The following ELL2 variants were observed in gnomAD, a reference collection of about 807,000 sequenced individuals.
ELL2 encodes elongation factor for RNA polymerase II 2, also known as RNA polymerase II elongation factor ELL2.
Under a neutral mutation model 72.8 loss-of-function variants are expected in ELL2, and 21 were observed. The observed-to-expected ratio is 0.29, with a 90% CI of 0.20 to 0.42. The LOEUF (loss-of-function observed/expected upper bound fraction) is 0.42. ELL2 is among the 10% of genes least tolerant of loss of function. The pLI, the probability that ELL2 is intolerant of heterozygous loss-of-function variation, is 1.00. For missense variants in ELL2, 568 were observed against 772.8 expected, an observed-to-expected ratio of 0.73 and a Z score of 3.14; for synonymous variants, 266 against 283.2, an observed-to-expected ratio of 0.94 and a Z score of 0.61.
intron 3 of ELL2, 88 bp downstream of exon 3, chr5:95,919,336 T>C (rs2112310312): frequency 7.0e-7 from 1 of 1,435,160 alleles, no homozygotes; most frequent in East Asian, 2.6e-5. Flanking sequence ...CGTTTATGGA[T>C]GAATATTATG....
In ELL2 at chr5:95,961,767, C is replaced by T; in HGVS notation, c.-46G>A. On this transcript the variant is annotated 5_prime_UTR_variant, in exon 1 of 12. Coordinates refer to ENST00000237853, the MANE Select transcript of ELL2 (RefSeq NM_012081.6). ...GCCGCCGCCGCCGCTCCGGCTCTAG[C>T]CTCCACTGCGGCCGCGGCTGCTTGG... The T allele has an allele frequency of 6.5e-7, 1 of 1,542,944 alleles. No individual in the cohort carries two copies. The highest frequency in any genetic ancestry group is 8.7e-7 in the Non-Finnish European group (1 of 1,149,650).
intron 5 of ELL2, among the ~76,000 whole-genome samples, chr5:95,902,089 T>C (rs1198515331): frequency 6.6e-6 from 1 of 152,228 alleles, no homozygotes; most frequent in African/African-American, 2.4e-5. Flanking sequence ...GGCAATTGAG[T>C]CCATTACTTT....
intron 3 of ELL2, among the ~76,000 whole-genome samples, chr5:95,915,462 C>A (rs1351622454): frequency 6.6e-6 from 1 of 152,218 alleles, no homozygotes; most frequent in Non-Finnish European, 1.5e-5. Context: ...AAAACACACA[C>A]ACAAAAACCA....
intron 4 of ELL2, among the ~76,000 whole-genome samples, chr5:95,910,302 A>G (rs1035342238): frequency 4.6e-5 from 7 of 152,324 alleles, no homozygotes; most frequent in South Asian, 4.1e-4. Context: ...AATTGGAAAC[A>G]GAATCCTAGA....
At chr5:95,942,784 A>C (rs1751016222) in intron 2 of ELL2, 2 of 301,980 alleles carry the variant, frequency 6.6e-6, no homozygotes, top group Non-Finnish European at 6.4e-6. Flanking sequence ...ATAAAAAAAC[A>C]CTGTCAATAT....
intron 3 of ELL2, among the ~76,000 whole-genome samples, chr5:95,914,148 C>G (rs1202567905): frequency 1.3e-5 from 2 of 151,820 alleles, no homozygotes; most frequent in South Asian, 2.1e-4. Context: ...GAAGTGAGCT[C>G]TCAGAGACCA....
At chr5:95,950,902 GTGTATATATA>G (rs1216514872) in intron 1 of ELL2, among the ~76,000 whole-genome samples, 5,942 of 74,874 alleles carry the variant, frequency 0.079, 427 homozygotes, top group East Asian at 0.22. Flanking sequence ...ATGTATGTAT[GTGTATATATA>G]TATATATATA....
chr5:95,939,371 C>A (rs1750890944), intron 2 of ELL2, among the ~76,000 whole-genome samples: 1 of 152,164 alleles, frequency 6.6e-6, no homozygotes. Context: ...CCCATCCCTG[C>A]ATCTTTTCAC....
chr5:95,900,306 A>T (rs2348984), intron 7 of ELL2: 1 of 155,374 alleles, frequency 6.4e-6, no homozygotes, highest in South Asian at 2.1e-4. Flanking sequence ...CATTTTCCCC[A>T]AAAAATATTC....
intron 2 of ELL2, among the ~76,000 whole-genome samples, chr5:95,929,340 C>T (rs932719028): frequency 6.6e-6 from 1 of 150,926 alleles, no homozygotes; most frequent in African/African-American, 2.5e-5. Context: ...CTCACTGCAA[C>T]CTCTGCCGCC....
chr5:95,943,073 A>G, intron 1 of ELL2, 24 bp from the exon 2 acceptor site: 1 of 1,589,478 alleles, frequency 6.3e-7, no homozygotes, highest in Non-Finnish European at 8.6e-7. Flanking sequence ...CAAAAGAAAC[A>G]AACAGGTAAA....
intron 2 of ELL2, among the ~76,000 whole-genome samples, chr5:95,937,113 T>A (rs965851215): frequency 1.3e-5 from 2 of 152,318 alleles, no homozygotes; most frequent in African/African-American, 4.8e-5. Flanking sequence ...CTCCAGCTGC[T>A]GCATTCCAAA....
In ELL2 at chr5:95,924,440, GA is replaced by G. The variant is rs143680146; in HGVS notation, c.196-4896del. 6.9e-3 allele frequency among the ~76,000 whole-genome samples: 1,055 copies of G among 152,222 alleles called. 11 individuals are homozygous for G. Among genetic ancestry groups the G allele is most frequent in the South Asian group, 0.057 (276 of 4,822 alleles). On this transcript the variant is annotated intron_variant, in intron 2 of 11. Transcript: ENST00000237853. ...TGGAAGACCATTCCTTTGTGAGATA[GA>G]AACTTCTCCATTTTAATTTTAGTAT... is the stretch of plus-strand genomic sequence containing the variant.
At chr5:95,928,484 A>C (rs1580516494) in intron 2 of ELL2, among the ~76,000 whole-genome samples, 1 of 152,148 alleles carries the variant, frequency 6.6e-6, no homozygotes, top group Admixed American at 6.5e-5. Context: ...CCACCCTCCC[A>C]CATTGCCCAG....
intron 2 of ELL2, among the ~76,000 whole-genome samples, chr5:95,941,588 C>A (rs1750971316): frequency 6.6e-6 from 1 of 152,158 alleles, no homozygotes; most frequent in Non-Finnish European, 1.5e-5. Context: ...ATATCCTTTA[C>A]TTGCATTTCC....
rs1748546945 is a variant in ELL2, at chr5:95,888,690, A to C, written c.*181T>G. 1 of 445,800 alleles carries C rather than the reference A, an allele frequency of 2.2e-6. No individual in the cohort carries two copies. The highest frequency in any genetic ancestry group is 5.2e-5 in the South Asian group (1 of 19,060). The allele number at this position is 445,800 out of a possible 1,614,324, so 27.6% of individuals were successfully genotyped here. On this transcript the variant is annotated 3_prime_UTR_variant, in exon 12 of 12. Transcript: ENST00000237853. ...GGGGTGGGGTGGTGGGGAGGACCAG[A>C]AAGAGCAGCTTCGAAATGCAGGGAA...
intron 4 of ELL2, among the ~76,000 whole-genome samples, chr5:95,913,171 G>A (rs777619275): frequency 6.6e-6 from 1 of 152,174 alleles, no homozygotes; most frequent in Non-Finnish European, 1.5e-5. Context: ...AATGATGGGG[G>A]TCGGATAGGG....
At chr5:95,953,648 A>G (rs1416283045) in intron 1 of ELL2, among the ~76,000 whole-genome samples, 1 of 151,844 alleles carries the variant, frequency 6.6e-6, no homozygotes, top group Non-Finnish European at 1.5e-5. Flanking sequence ...TACAATGTGT[A>G]TGTATAGCAA....
At chr5:95,891,348 A>C in intron 9 of ELL2, 74 bp from the exon 10 acceptor site, 1 of 1,444,212 alleles carries the variant, frequency 6.9e-7, no homozygotes, top group Non-Finnish European at 9.3e-7. Flanking sequence ...TTTAAACCAA[A>C]TATTTAGAGA....
Sources: gnomAD v4.1 joint callset for allele counts (sites outside exome capture counted in the v4.1 genomes callset) on GRCh38, gnomAD v4.1.1 for gene constraint, MANE v1.5 for transcripts, NCBI Gene and HGNC (gene_info 2026-07-23, HGNC 2026-07-21) for gene names.